Variants in PTPRN2 observed in about 807,000 individuals in gnomAD.
The protein encoded by PTPRN2 is receptor-type tyrosine-protein phosphatase N2.
A neutral mutation model predicts 118.8 loss-of-function variants in PTPRN2; 74 were observed. The observed-to-expected ratio is 0.62, with a 90% CI of 0.52 to 0.76. The LOEUF is 0.76. PTPRN2 is among the 30% of genes least tolerant of loss of function. The pLI, the probability that PTPRN2 is intolerant of heterozygous loss-of-function variation, is 0.00. For synonymous variants in PTPRN2, 641 were observed against 608.0 expected (o/e 1.05, Z -0.80); for missense variants, 1,481 against 1,394.4 (o/e 1.06, Z -0.99).
At chr7:157,665,272 C>T (rs917981709) in intron 13 of PTPRN2, among the ~76,000 whole-genome samples, 6 of 152,396 alleles carry the variant, frequency 3.9e-5, no homozygotes, top group Non-Finnish European at 7.3e-5. Context: ...TATGCACCTT[C>T]AGCCACAGCG....
In PTPRN2 at chr7:157,609,516, C is replaced by T. The variant is rs1181074299; in HGVS notation, c.2345-5441G>A. ...TCCTGGACCACGGACAGAACAGGGA[C>T]TACTTTCCCGTTTTAGGCTGAAGAA... On this transcript the variant is annotated intron_variant, in intron 15 of 22. Transcript: ENST00000389418. The surrounding 1 kb of genome is among the most constrained non-coding windows in gnomAD (Gnocchi z 4.9). 6.6e-6 allele frequency among the ~76,000 whole-genome samples: 1 copy of T among 152,198 alleles called. No individual in the cohort carries two copies. The highest frequency in any genetic ancestry group is 1.5e-5 in the Non-Finnish European group (1 of 68,036).
chr7:158,056,036 C>A (rs1376716437), intron 11 of PTPRN2, among the ~76,000 whole-genome samples: 5 of 152,198 alleles, frequency 3.3e-5, no homozygotes, highest in African/African-American at 1.2e-4. Context: ...AGGCCCCTTC[C>A]TCTCTGTCTG....
chr7:158,146,557 T>G (rs1350203209), intron 6 of PTPRN2, among the ~76,000 whole-genome samples: 5 of 151,338 alleles, frequency 3.3e-5, no homozygotes, highest in Admixed American at 3.3e-4. Context: ...CCATCTCTAC[T>G]AAAAATACAA....
At chr7:158,233,410 T>A (rs528737583) in intron 3 of PTPRN2, among the ~76,000 whole-genome samples, 1 of 152,256 alleles carries the variant, frequency 6.6e-6, no homozygotes, top group African/African-American at 2.4e-5. Flanking sequence ...AAGAAAACAA[T>A]TGAAGACGAC....
intron 11 of PTPRN2, among the ~76,000 whole-genome samples, chr7:158,010,530 C>G (rs191372779): frequency 6.6e-6 from 1 of 152,318 alleles, no homozygotes; most frequent in African/African-American, 2.4e-5. Flanking sequence ...TTGTCCTGCC[C>G]ACTGTGCATT....
In PTPRN2 at chr7:158,042,516, A is replaced by T. The variant is rs1808550982; in HGVS notation, c.1723+38782T>A. On this transcript the variant is annotated intron_variant, in intron 11 of 22. Coordinates refer to ENST00000389418, the MANE Select transcript of PTPRN2 (RefSeq NM_002847.5). ...GAGATGAGAGATCCATGGAACTGTG[A>T]ACTAATCCTAAATATAACATTTCCA... is the stretch of plus-strand genomic sequence containing the variant. Among the ~76,000 whole-genome samples the T allele has an allele frequency of 2.0e-5, 3 of 152,212 alleles. No individual in the cohort carries two copies. The South Asian group carries it at 6.2e-4, about 32-fold the overall frequency.
At chr7:157,697,561 C>T (rs2150853905) in intron 12 of PTPRN2, among the ~76,000 whole-genome samples, 1 of 142,842 alleles carries the variant, frequency 7.0e-6, no homozygotes, top group East Asian at 2.2e-4. Flanking sequence ...ACCATCTACC[C>T]ATGCATACTG....
At position 157,953,059 on chromosome 7, in the gene PTPRN2, CTG is replaced by C. The variant is rs1800935976; in HGVS notation, c.1724-54324_1724-54323del. 2.0e-5 allele frequency among the ~76,000 whole-genome samples: 3 copies of C among 152,038 alleles called. No homozygotes were observed. The highest frequency in any genetic ancestry group is 2.0e-4 in the Admixed American group (3 of 15,276). ...TGAGCTGTCCAGTGCCAGGAACCAC[CTG>C]ACCACAGGGTGAGCCGTCCAGTGCC... is the stretch of plus-strand genomic sequence containing the variant. On this transcript the variant is annotated intron_variant, in intron 11 of 22. Transcript: ENST00000389418. The surrounding 1 kb of genome is among the most constrained non-coding windows in gnomAD (Gnocchi z 4.6).
chr7:157,800,938 A>G (rs187149478), intron 12 of PTPRN2, among the ~76,000 whole-genome samples: 2 of 151,552 alleles, frequency 1.3e-5, no homozygotes, highest in Admixed American at 6.6e-5. Context: ...GGCAACAGAG[A>G]GAGACTCCGT....
intron 2 of PTPRN2, among the ~76,000 whole-genome samples, chr7:158,401,555 C>A (rs1480525970): frequency 5.9e-5 from 9 of 152,340 alleles, no homozygotes; most frequent in African/African-American, 1.9e-4. Context: ...CATGGGACAG[C>A]CCCATGGTTG....
At chr7:158,524,772 G>C (rs73729671) in intron 1 of PTPRN2, among the ~76,000 whole-genome samples, 5,159 of 152,242 alleles carry the variant, frequency 0.034, 295 homozygotes, top group African/African-American at 0.12. Context: ...TTCACACACT[G>C]AAGTCCTGCA....
At chr7:157,848,072 T>A (rs1808998561) in intron 12 of PTPRN2, among the ~76,000 whole-genome samples, 1 of 148,092 alleles carries the variant, frequency 6.8e-6, no homozygotes, top group Non-Finnish European at 1.5e-5. Flanking sequence ...CCTCTCTCAC[T>A]CCCTCATGGG....
intron 2 of PTPRN2, among the ~76,000 whole-genome samples, chr7:158,403,978 C>A (rs892250700): frequency 1.3e-5 from 2 of 152,210 alleles, no homozygotes; most frequent in African/African-American, 2.4e-5. Flanking sequence ...TTACTCATGT[C>A]CTTACCAAAG....
intron 12 of PTPRN2, among the ~76,000 whole-genome samples, chr7:157,846,523 G>C (rs1019986241): frequency 3.3e-5 from 5 of 152,028 alleles, no homozygotes; most frequent in African/African-American, 1.2e-4. Context: ...CGGAACGGAG[G>C]GGGAACAGGC....
intron 3 of PTPRN2, among the ~76,000 whole-genome samples, chr7:158,262,931 ACTG>A (rs1239757401): frequency 1.3e-4 from 18 of 143,244 alleles, no homozygotes; most frequent in African/African-American, 2.9e-4. Flanking sequence ...ACATTCACAC[ACTG>A]CACACACACA....
intron 2 of PTPRN2, among the ~76,000 whole-genome samples, chr7:158,441,167 A>G (rs371258070): frequency 2.2e-4 from 28 of 129,914 alleles, no homozygotes; most frequent in East Asian, 1.6e-3. Flanking sequence ...TGATGGTGAT[A>G]GCAGTGGTGG....
intron 5 of PTPRN2, among the ~76,000 whole-genome samples, chr7:158,187,126 A>G (rs897338402): frequency 6.6e-5 from 10 of 152,382 alleles, no homozygotes; most frequent in African/African-American, 1.7e-4. Flanking sequence ...TTAGTGATCA[A>G]TAAGTGCTCA....
At chr7:158,076,940 G>C (rs370474118) in intron 11 of PTPRN2, among the ~76,000 whole-genome samples, 5 of 152,376 alleles carry the variant, frequency 3.3e-5, no homozygotes, top group African/African-American at 1.2e-4. Flanking sequence ...GAGCGGACCA[G>C]ACTGTGAAGC....
At chr7:157,704,542 C>T (rs1052470667) in intron 12 of PTPRN2, among the ~76,000 whole-genome samples, 3 of 152,216 alleles carry the variant, frequency 2.0e-5, no homozygotes, top group Non-Finnish European at 4.4e-5. Flanking sequence ...CGGCTGGGCC[C>T]GCCCTGCCCC....
Sources: gnomAD v4.1 joint callset for allele counts (sites outside exome capture counted in the v4.1 genomes callset) on GRCh38, gnomAD v4.1.1 for gene constraint, Gnocchi (gnomAD v3.1) non-coding constraint, MANE v1.5 for transcripts, NCBI Gene and HGNC (gene_info 2026-07-23, HGNC 2026-07-21) for gene names.